CADPS: variants seen among roughly 807,000 people sequenced by gnomAD.
CADPS encodes the protein calcium dependent secretion activator.
Under a neutral mutation model 167.3 loss-of-function variants are expected in CADPS, and 57 were observed. That is an observed-to-expected ratio of 0.34 (90% CI 0.28 to 0.42). The LOEUF is 0.42. Among genes scored for constraint, CADPS ranks in the 20% least tolerant of loss-of-function variants. CADPS has a pLI of 1.00. For synonymous variants in CADPS, 676 were observed against 635.3 expected, an observed-to-expected ratio of 1.06 and a Z score of -0.96; for missense variants, 1,414 against 1,738.1, an observed-to-expected ratio of 0.81 and a Z score of 3.32.
At chr3:62,616,822 A>C (rs941835654) in intron 6 of CADPS, among the ~76,000 whole-genome samples, 1 of 152,192 alleles carries the variant, frequency 6.6e-6, no homozygotes, top group African/African-American at 2.4e-5. Context: ...ACAGATACTT[A>C]TCATATTATC....
chr3:62,405,246 T>C (rs1708019360), intron 28 of CADPS, among the ~76,000 whole-genome samples: 1 of 151,610 alleles, frequency 6.6e-6, no homozygotes, highest in Admixed American at 6.6e-5. Context: ...GGCAAACTCC[T>C]GGCCAAACCT....
At chr3:62,408,897 G>A (rs922320586) in intron 28 of CADPS, among the ~76,000 whole-genome samples, 5 of 152,154 alleles carry the variant, frequency 3.3e-5, no homozygotes, top group Non-Finnish European at 7.3e-5. Context: ...AGACAACTCC[G>A]TAGGACTTTA....
Position 62,547,590 on chromosome 3 carries a change from C to T in CADPS, c.1966+2313G>A, listed in dbSNP as rs557351346. ...CCTAGGGATGATATCATTTACGCCC[C>T]CCCCCCCCCGCAAATTCTAACTCTT... On this transcript the variant is annotated intron_variant, in intron 11 of 29. Transcript: ENST00000383710. Among the ~76,000 whole-genome samples, 305 of 95,016 alleles carry T rather than the reference C, an allele frequency of 3.2e-3. 45 individuals are homozygous for T. The highest frequency in any genetic ancestry group is 0.013 in the African/African-American group (287 of 21,264). The allele number at this position is 95,016 out of a possible 152,430, so 62.3% of individuals were successfully genotyped here. A position where few individuals can be genotyped will look rare whatever the true frequency, so the allele number is the denominator to read the frequency against.
chr3:62,512,383 G>C (rs989004449), intron 17 of CADPS, among the ~76,000 whole-genome samples: 1 of 151,966 alleles, frequency 6.6e-6, no homozygotes, highest in African/African-American at 2.4e-5. Context: ...CTTCTCAATA[G>C]GGCAGAAAAC....
At chr3:62,470,724 G>C (rs901310941) in intron 24 of CADPS, 2 of 152,138 alleles carry the variant, frequency 1.3e-5, no homozygotes, top group African/African-American at 2.4e-5. Context: ...TGTCACGAAA[G>C]ATCTCTCTAA....
At chr3:62,494,257 G>A (rs1189467793) in intron 18 of CADPS, among the ~76,000 whole-genome samples, 4 of 152,130 alleles carry the variant, frequency 2.6e-5, no homozygotes, top group Non-Finnish European at 4.4e-5. Flanking sequence ...TTACTCCACT[G>A]ACTACCTAGC....
chr3:62,510,191 C>CATCCATCTATCTATCTATCTATCT (rs1553853780), intron 17 of CADPS, among the ~76,000 whole-genome samples: 2 of 148,266 alleles, frequency 1.3e-5, no homozygotes, highest in Non-Finnish European at 3.0e-5. Context: ...CCTATTTCTG[C>CATCCATCTATCTATCTATCTATCT]ATCTATCTAT....
At chr3:62,646,806 T>A (rs1383524369) in intron 5 of CADPS, among the ~76,000 whole-genome samples, 1 of 152,194 alleles carries the variant, frequency 6.6e-6, no homozygotes, top group African/African-American at 2.4e-5. Context: ...AAAGCTGATT[T>A]TGAAATGCTG....
chr3:62,421,770 T>TC lies in CADPS; in HGVS notation c.3777+16333dup, dbSNP rs2051457916. Among the ~76,000 whole-genome samples, 1 of 152,296 alleles carries TC rather than the reference T, an allele frequency of 6.6e-6. No homozygotes were observed. Among genetic ancestry groups the TC allele is most frequent in the South Asian group, 2.1e-4 (1 of 4,830 alleles). ...GGCTGGAGACGCATTTGGAGTTCTT[T>TC]CCTAGGGATGGAGGGATGCCCCGGG... On this transcript the variant is annotated intron_variant, in intron 28 of 29. Coordinates refer to ENST00000383710, the MANE Select transcript of CADPS (RefSeq NM_003716.4). This position sits in a 1 kb window ranked among gnomAD's most constrained non-coding sequence, Gnocchi z 4.7.
At chr3:62,744,597 TTTG>T (rs2081055479) in intron 3 of CADPS, among the ~76,000 whole-genome samples, 2 of 152,346 alleles carry the variant, frequency 1.3e-5, no homozygotes, top group African/African-American at 4.8e-5. Flanking sequence ...TATCATAGAT[TTTG>T]TTGTTTGGCA....
At chr3:62,546,503 C>G (rs2076473510) in intron 11 of CADPS, among the ~76,000 whole-genome samples, 1 of 152,140 alleles carries the variant, frequency 6.6e-6, no homozygotes, top group African/African-American at 2.4e-5. Flanking sequence ...TTGAATTTTA[C>G]AAATTACAGC....
At chr3:62,573,043 G>A (rs147678329) in intron 8 of CADPS, among the ~76,000 whole-genome samples, 1 of 151,970 alleles carries the variant, frequency 6.6e-6, no homozygotes, top group Non-Finnish European at 1.5e-5. Flanking sequence ...CACCATGTCC[G>A]GCTAATTTTT....
chr3:62,420,504 T>C lies in CADPS; in HGVS notation c.3778-17319A>G, dbSNP rs1406013407. Among the ~76,000 whole-genome samples the C allele has an allele frequency of 6.6e-6, 1 of 151,980 alleles. No homozygotes were observed. Among genetic ancestry groups the C allele is most frequent in the Admixed American group, 6.6e-5 (1 of 15,264 alleles). On this transcript the variant is annotated intron_variant, in intron 28 of 29. Coordinates refer to ENST00000383710, the MANE Select transcript of CADPS (RefSeq NM_003716.4). This position sits in a 1 kb window ranked among gnomAD's most constrained non-coding sequence, Gnocchi z 4.1. ...TTTCAGAAGAGAAGGCAGAGTGGCA[T>C]GAAGGCTGGAGGAGGGAAGATGGCA...
chr3:62,824,646 T>A (rs1199291552), intron 1 of CADPS, among the ~76,000 whole-genome samples: 4 of 152,184 alleles, frequency 2.6e-5, no homozygotes, highest in Non-Finnish European at 4.4e-5. Flanking sequence ...AGTAATTTTC[T>A]TTATATTGCT....
At position 62,874,469 on chromosome 3, in the gene CADPS, A is replaced by G. The variant is rs2083282942; in HGVS notation, c.441+120T>C. 1.3e-6 allele frequency: 1 copy of G among 741,686 alleles called. No individual in the cohort carries two copies. The highest frequency in any genetic ancestry group is 2.5e-5 in the Admixed American group (1 of 39,530). 45.9% of individuals were successfully genotyped at this position (741,686 alleles called of 1,614,324 possible). ...GAGGGGGCCTCGTAGCCCTTTCCCC[A>G]GGGCGCGGTCTCCACCTCTCCTGCT... On this transcript the variant is annotated intron_variant, in intron 1 of 29. Transcript: ENST00000383710. The surrounding 1 kb of genome is among the most constrained non-coding windows in gnomAD (Gnocchi z 7.1).
chr3:62,810,211 G>A (rs1425068718), intron 1 of CADPS, among the ~76,000 whole-genome samples: 1 of 152,070 alleles, frequency 6.6e-6, no homozygotes, highest in African/African-American at 2.4e-5. Context: ...GGTACCAGAT[G>A]GACTTGAACT....
chr3:62,846,282 A>G (rs1458168593), intron 1 of CADPS, among the ~76,000 whole-genome samples: 1 of 152,160 alleles, frequency 6.6e-6, no homozygotes, highest in Non-Finnish European at 1.5e-5. Flanking sequence ...AAGTGATCAG[A>G]TTCAGGTTCA....
At chr3:62,482,912 G>A (rs905189793) in intron 21 of CADPS, among the ~76,000 whole-genome samples, 12 of 152,174 alleles carry the variant, frequency 7.9e-5, no homozygotes, top group Middle Eastern at 3.2e-3. Context: ...ATCAACTGAC[G>A]TGATGGAAGA....
At chr3:62,582,359 T>A (rs1011830006) in intron 8 of CADPS, among the ~76,000 whole-genome samples, 1 of 152,192 alleles carries the variant, frequency 6.6e-6, no homozygotes. Flanking sequence ...GGTGGGAGGA[T>A]GGCTTGAGCC....
Sources: gnomAD v4.1 joint callset for allele counts (sites outside exome capture counted in the v4.1 genomes callset) on GRCh38, gnomAD v4.1.1 for gene constraint, Gnocchi (gnomAD v3.1) non-coding constraint, MANE v1.5 for transcripts, NCBI Gene and HGNC (gene_info 2026-07-23, HGNC 2026-07-21) for gene names.